GPC6: variants seen among roughly 807,000 people sequenced by gnomAD.
GPC6 encodes the protein glypican 6.
Under a neutral mutation model 55.2 loss-of-function variants are expected in GPC6, and 14 were observed. That is an observed-to-expected ratio of 0.25 (90% confidence interval 0.17 to 0.40). The LOEUF (loss-of-function observed/expected upper bound fraction) is 0.40. Ranked by LOEUF, GPC6 falls within the 10% of genes least tolerant of loss-of-function variation. The pLI is 1.00. For synonymous variants in GPC6, 278 were observed against 259.6 expected, an observed-to-expected ratio of 1.07 and a Z score of -0.68; for missense variants, 641 against 708.5, an observed-to-expected ratio of 0.90 and a Z score of 1.08.
intron 4 of GPC6, among the ~76,000 whole-genome samples, chr13:94,285,199 G>A (rs1396166059): frequency 6.6e-6 from 1 of 152,156 alleles, no homozygotes; most frequent in African/African-American, 2.4e-5. Flanking sequence ...TAGAAATACA[G>A]GAACCGGTAG....
intron 1 of GPC6, among the ~76,000 whole-genome samples, chr13:93,266,345 T>C (rs1877325305): frequency 6.6e-6 from 1 of 152,200 alleles, no homozygotes; most frequent in Non-Finnish European, 1.5e-5. Flanking sequence ...CATGATTTGC[T>C]AATATTCATG....
At chr13:94,244,417 C>A (rs534721234) in intron 4 of GPC6, among the ~76,000 whole-genome samples, 2 of 152,160 alleles carry the variant, frequency 1.3e-5, no homozygotes, top group South Asian at 4.1e-4. Flanking sequence ...AGGATTTGGG[C>A]ACTATCTCAA....
intron 5 of GPC6, among the ~76,000 whole-genome samples, chr13:94,302,483 A>T (rs1309244933): frequency 1.3e-5 from 2 of 152,364 alleles, no homozygotes; most frequent in East Asian, 3.9e-4. Context: ...CTTGGAGGAC[A>T]CAAATATTCA....
chr13:93,547,200 G>T (rs1202676966), intron 2 of GPC6, among the ~76,000 whole-genome samples: 1 of 150,570 alleles, frequency 6.6e-6, no homozygotes, highest in Admixed American at 6.6e-5. Flanking sequence ...AAAAAAATTA[G>T]CTGGGCGTGG....
At chr13:93,367,671 C>G (rs1881298730) in intron 1 of GPC6, among the ~76,000 whole-genome samples, 1 of 152,100 alleles carries the variant, frequency 6.6e-6, no homozygotes, top group African/African-American at 2.4e-5. Flanking sequence ...TCTCTTGCAA[C>G]TAACTGCCTC....
chr13:94,086,201 CA>C (rs1885276493), intron 4 of GPC6, among the ~76,000 whole-genome samples: 1 of 152,154 alleles, frequency 6.6e-6, no homozygotes, highest in Non-Finnish European at 1.5e-5. Flanking sequence ...AAGAGGATTA[CA>C]TAAAGATTCT....
chr13:94,121,483 C>G (rs995077664), intron 4 of GPC6, among the ~76,000 whole-genome samples: 7 of 152,056 alleles, frequency 4.6e-5, no homozygotes, highest in Admixed American at 1.3e-4. Flanking sequence ...GTTTTTCAAG[C>G]AGTAATTATC....
rs1361968901 is a variant in GPC6, at chr13:93,851,673, G to A, written c.711+21128G>A. On this transcript the variant is annotated intron_variant, in intron 3 of 8. Transcript: ENST00000377047. ...GAAGAATTATGTTTAAAATTTAATT[G>A]TATAATGATGTTGAAAAACAGCATT... Among the ~76,000 whole-genome samples, 3 of 151,746 alleles carry A rather than the reference G, an allele frequency of 2.0e-5. No individual in the cohort carries two copies. The East Asian group carries it at 5.8e-4, about 29-fold the overall frequency.
chr13:94,157,207 G>A (rs1447637788), intron 4 of GPC6, among the ~76,000 whole-genome samples: 2 of 152,176 alleles, frequency 1.3e-5, no homozygotes, highest in African/African-American at 4.8e-5. Flanking sequence ...CTATAAAAGG[G>A]AATGTGTCCC....
intron 1 of GPC6, among the ~76,000 whole-genome samples, chr13:93,475,923 T>A (rs1879287115): frequency 1.3e-5 from 2 of 152,118 alleles, no homozygotes; most frequent in Admixed American, 1.3e-4. Context: ...TAAGATAGTC[T>A]AGGAGAATTA....
intron 4 of GPC6, among the ~76,000 whole-genome samples, chr13:94,122,305 T>G: frequency 6.6e-6 from 1 of 152,102 alleles, no homozygotes; most frequent in East Asian, 1.9e-4. Context: ...TTTGACTTCA[T>G]TTTATGGAGC....
intron 2 of GPC6, among the ~76,000 whole-genome samples, chr13:93,625,698 A>G (rs1472297940): frequency 6.6e-6 from 1 of 152,210 alleles, no homozygotes; most frequent in Non-Finnish European, 1.5e-5. Flanking sequence ...CCAGGCCAAA[A>G]TGCTTGGGAG....
At position 93,495,352 on chromosome 13, in the gene GPC6, C is replaced by G. The variant is rs199710297; in HGVS notation, c.161-49911C>G. On this transcript the variant is annotated intron_variant, in intron 1 of 8. Transcript: ENST00000377047. Reference sequence around the variant, plus strand: ...GCTTCTGCATTCTTCACGTAGTTCTCGAGCCTTGGTTTTCAGCTCCATCAG... The same window carrying G: ...GCTTCTGCATTCTTCACGTAGTTCTGGAGCCTTGGTTTTCAGCTCCATCAG... 5.4e-4 allele frequency among the ~76,000 whole-genome samples: 78 copies of G among 144,300 alleles called. 1 individual carries two copies. Among genetic ancestry groups the G allele is most frequent in the African/African-American group, 1.8e-3 (71 of 38,924 alleles). 94.7% of individuals were successfully genotyped at this position (144,300 alleles called of 152,430 possible).
intron 2 of GPC6, among the ~76,000 whole-genome samples, chr13:93,712,396 G>A (rs1883100227): frequency 6.6e-6 from 1 of 151,594 alleles, no homozygotes. Context: ...GAGGTAGCAC[G>A]CATCAGTAGG....
intron 3 of GPC6, among the ~76,000 whole-genome samples, chr13:93,884,563 A>T (rs1376872220): frequency 1.3e-5 from 2 of 152,058 alleles, no homozygotes; most frequent in African/African-American, 4.8e-5. Context: ...TTAGAGATTT[A>T]TTTATTTTTG....
intron 4 of GPC6, among the ~76,000 whole-genome samples, chr13:94,093,386 G>A (rs1398604599): frequency 6.6e-6 from 1 of 151,910 alleles, no homozygotes; most frequent in Non-Finnish European, 1.5e-5. Flanking sequence ...GTGTATTCTT[G>A]GCATGGTTTT....
intron 1 of GPC6, among the ~76,000 whole-genome samples, chr13:93,231,380 CATATATATATATATATGT>C (rs1876030990): frequency 3.2e-5 from 1 of 30,938 alleles, no homozygotes; most frequent in East Asian, 1.4e-3. Context: ...TATATATATA[CATATATATATATATATGT>C]ATATATATAT....
At chr13:93,472,978 G>C (rs1879177029) in intron 1 of GPC6, among the ~76,000 whole-genome samples, 1 of 152,200 alleles carries the variant, frequency 6.6e-6, no homozygotes, top group Admixed American at 6.5e-5. Flanking sequence ...AGAGAGGGTA[G>C]CTCCTCCCTG....
chr13:93,962,535 A>T (rs1879831575), intron 3 of GPC6, among the ~76,000 whole-genome samples: 1 of 152,168 alleles, frequency 6.6e-6, no homozygotes, highest in Non-Finnish European at 1.5e-5. Context: ...GAAAGACTGA[A>T]TACAGAAACG....
Sources: gnomAD v4.1 joint callset for allele counts (sites outside exome capture counted in the v4.1 genomes callset) on GRCh38, gnomAD v4.1.1 for gene constraint, MANE v1.5 for transcripts, NCBI Gene and HGNC (gene_info 2026-07-23, HGNC 2026-07-21) for gene names.